Variants in FBXL17 observed in about 807,000 individuals in gnomAD.
FBXL17 encodes the protein F-box and leucine rich repeat protein 17.
In FBXL17, 22 loss-of-function variants were observed where a neutral mutation model predicts 66.2. That is an observed-to-expected ratio of 0.33 (90% CI 0.24 to 0.47). The LOEUF (loss-of-function observed/expected upper bound fraction) is 0.47, where lower values mean the gene tolerates loss of function less well. FBXL17 is among the 20% of genes least tolerant of loss of function. The pLI is 1.00. For synonymous variants in FBXL17, 474 were observed against 400.5 expected (o/e 1.18, Z -2.19); for missense variants, 878 against 948.2 (o/e 0.93, Z 0.97).
At chr5:108,356,322 A>T (rs1747984373) in intron 3 of FBXL17, among the ~76,000 whole-genome samples, 1 of 152,144 alleles carries the variant, frequency 6.6e-6, no homozygotes, top group African/African-American at 2.4e-5. Flanking sequence ...GCAATCATGT[A>T]CCTTGGTTTG....
chr5:108,141,577 T>C (rs1751351405), intron 6 of FBXL17, among the ~76,000 whole-genome samples: 1 of 152,204 alleles, frequency 6.6e-6, no homozygotes, highest in South Asian at 2.1e-4. Context: ...ATCACTCTTC[T>C]ACACATCTAC....
At chr5:108,324,334 G>A (rs546638768) in intron 4 of FBXL17, among the ~76,000 whole-genome samples, 1 of 151,934 alleles carries the variant, frequency 6.6e-6, no homozygotes, top group Admixed American at 6.6e-5. Flanking sequence ...CATGCTTAGC[G>A]ACATGAATCA....
chr5:107,935,127 G>A (rs1750857527), intron 7 of FBXL17, among the ~76,000 whole-genome samples: 1 of 151,790 alleles, frequency 6.6e-6, no homozygotes, highest in African/African-American at 2.4e-5. Flanking sequence ...CATATTTTAT[G>A]TATTAAATGT....
chr5:108,199,796 G>C (rs1296152902), intron 5 of FBXL17, among the ~76,000 whole-genome samples: 1 of 152,068 alleles, frequency 6.6e-6, no homozygotes, highest in African/African-American at 2.4e-5. Flanking sequence ...TGTTGGTCAA[G>C]GTATAATTAG....
intron 7 of FBXL17, among the ~76,000 whole-genome samples, chr5:107,896,736 G>A (rs1749396798): frequency 6.6e-6 from 1 of 152,152 alleles, no homozygotes. Context: ...ACTGAGGTCT[G>A]CAGCTGCAGT....
intron 6 of FBXL17, among the ~76,000 whole-genome samples, chr5:108,079,363 G>C (rs190596363): frequency 4.6e-4 from 70 of 152,088 alleles, no homozygotes; most frequent in African/African-American, 1.5e-3. Context: ...ACTCTCTCAA[G>C]GGTTTTTTTA....
At chr5:107,966,016 T>C (rs1752124946) in intron 7 of FBXL17, among the ~76,000 whole-genome samples, 1 of 152,154 alleles carries the variant, frequency 6.6e-6, no homozygotes, top group South Asian at 2.1e-4. Flanking sequence ...AATGGGCTCT[T>C]AGAAATTTTC....
At chr5:108,031,377 C>T (rs916516704) in intron 6 of FBXL17, among the ~76,000 whole-genome samples, 2 of 151,986 alleles carry the variant, frequency 1.3e-5, no homozygotes, top group African/African-American at 2.4e-5. Flanking sequence ...GGGATATACC[C>T]ATCCTGAAGG....
intron 6 of FBXL17, among the ~76,000 whole-genome samples, chr5:108,161,688 T>C (rs1346277664): frequency 6.6e-6 from 1 of 152,236 alleles, no homozygotes; most frequent in Admixed American, 6.5e-5. Context: ...AATAAAAGCA[T>C]ATTCATTTTC....
intron 6 of FBXL17, among the ~76,000 whole-genome samples, chr5:108,067,710 A>C (rs1346862965): frequency 6.6e-6 from 1 of 152,206 alleles, no homozygotes; most frequent in Non-Finnish European, 1.5e-5. Flanking sequence ...CAAGTATAAA[A>C]GTGAAAGGCC....
Position 108,381,433 on chromosome 5 carries a change from G to T in FBXL17, c.259C>A (p.Arg87=), listed in dbSNP as rs1410919482. The change falls in exon 1 of 9, where the codon CGG becomes AGG. Residue 87 remains arginine (R), a synonymous_variant. Transcript: ENST00000542267. ...GAGGCGGCAGCGTAGGCCCCGTCCC[G>T]CGGCGGCGGCGAGAGCGGCGGCTCC... ...EEEPPLSPPP[R]DGAYAAASSS... 2 of 1,311,572 alleles carry T rather than the reference G, an allele frequency of 1.5e-6. No individual in the cohort carries two copies. Among genetic ancestry groups the T allele is most frequent in the Non-Finnish European group, 9.6e-7 (1 of 1,037,732 alleles). 81.2% of individuals were successfully genotyped at this position (1,311,572 alleles called of 1,614,324 possible).
chr5:108,112,666 C>T (rs1750085075), intron 6 of FBXL17, among the ~76,000 whole-genome samples: 1 of 151,968 alleles, frequency 6.6e-6, no homozygotes, highest in Non-Finnish European at 1.5e-5. Context: ...AATTAGTGAA[C>T]AAGGCATTTA....
At chr5:108,106,043 A>G (rs1749782688) in intron 6 of FBXL17, among the ~76,000 whole-genome samples, 2 of 152,134 alleles carry the variant, frequency 1.3e-5, no homozygotes, top group Non-Finnish European at 2.9e-5. Flanking sequence ...ACAGAAGTGA[A>G]GAGAATGATT....
chr5:108,052,888 C>T (rs1274556498), intron 6 of FBXL17, among the ~76,000 whole-genome samples: 1 of 152,076 alleles, frequency 6.6e-6, no homozygotes, highest in African/African-American at 2.4e-5. Context: ...TCAGAAATAA[C>T]ACCACACATC....
At chr5:108,184,698 C>G (rs1753154652) in intron 6 of FBXL17, among the ~76,000 whole-genome samples, 1 of 130,108 alleles carries the variant, frequency 7.7e-6, no homozygotes, top group South Asian at 2.5e-4. Flanking sequence ...GAGCAGAGAT[C>G]ATGCCACTGA....
chr5:108,154,649 ATATATG>A (rs1344338179), intron 6 of FBXL17, among the ~76,000 whole-genome samples: 1 of 97,466 alleles, frequency 1.0e-5, no homozygotes, highest in Non-Finnish European at 2.1e-5. Flanking sequence ...ACACACACAC[ATATATG>A]TATATACATA....
intron 1 of FBXL17, among the ~76,000 whole-genome samples, chr5:108,377,893 G>C (rs938219663): frequency 6.6e-6 from 1 of 152,188 alleles, no homozygotes; most frequent in Non-Finnish European, 1.5e-5. Context: ...CATGGTCACT[G>C]CAACCAAGTA....
intron 6 of FBXL17, among the ~76,000 whole-genome samples, chr5:108,114,693 C>T (rs902631559): frequency 6.6e-6 from 1 of 152,156 alleles, no homozygotes; most frequent in Non-Finnish European, 1.5e-5. Context: ...ATGCTTCAAG[C>T]TTGGTTGGCT....
chr5:107,990,409 T>C (rs913606470), intron 7 of FBXL17, among the ~76,000 whole-genome samples: 1 of 152,202 alleles, frequency 6.6e-6, no homozygotes, highest in Non-Finnish European at 1.5e-5. Context: ...CATTTATTCA[T>C]TTATCATTTG....
Sources: allele counts gnomAD v4.1 joint callset (sites outside exome capture counted in the v4.1 genomes callset), GRCh38; gene constraint gnomAD v4.1.1; transcripts MANE v1.5; gene names NCBI Gene and HGNC (gene_info 2026-07-23, HGNC 2026-07-21).